HEATR6: variants seen among roughly 807,000 people sequenced by gnomAD.
The protein encoded by HEATR6 is HEAT repeat-containing protein 6.
Under a neutral mutation model 132.8 loss-of-function variants are expected in HEATR6, and 106 were observed. The ratio of observed to expected loss-of-function variants is 0.80; its 90% CI spans 0.68 to 0.94. The LOEUF (loss-of-function observed/expected upper bound fraction) is 0.94. Among genes scored for constraint, HEATR6 ranks in the 40% least tolerant of loss-of-function variants. HEATR6 has a pLI of 0.00. For missense variants in HEATR6, 1,339 were observed against 1,425.1 expected (o/e 0.94, Z 0.97); for synonymous variants, 529 against 537.8 (o/e 0.98, Z 0.23).
At chr17:60,070,663 G>T in intron 6 of HEATR6, 43 bp downstream of exon 6, 1 of 1,155,788 alleles carries the variant, frequency 8.7e-7, no homozygotes, top group Non-Finnish European at 1.3e-6. Context: ...TGTACCATGG[G>T]TTGAAACAGG....
intron 1 of HEATR6, among the ~76,000 whole-genome samples, chr17:60,078,147 T>G (rs1440660825): frequency 6.6e-6 from 1 of 152,118 alleles, no homozygotes; most frequent in Non-Finnish European, 1.5e-5. Flanking sequence ...TTCAGAGAAT[T>G]CATTAATTTA....
chr17:60,060,163 C>T (rs1039710419), intron 9 of HEATR6, 67 bp from the exon 10 acceptor site: 4 of 1,026,242 alleles, frequency 3.9e-6, no homozygotes, highest in South Asian at 1.3e-5. Flanking sequence ...TCTTCCTATA[C>T]ATATTTAATG....
Position 60,078,746 on chromosome 17 carries a change from C to G in HEATR6, c.169G>C (p.Asp57His), listed in dbSNP as rs1286279809. Residue 57 changes from aspartate (D) to histidine (H), a missense_variant, in exon 1 of 20, where the codon GAT becomes CAT. Physicochemically the swap from Asp to His is moderately conservative, Grantham distance 81 (BLOSUM62 -1). Transcript: ENST00000184956. Reference protein sequence around the residue: ...SARTEIHLLFDQLISENYSEG... With the variant: ...SARTEIHLLFHQLISENYSEG... ...CTGTAGTTCTCGGAGATGAGCTGAT[C>G]GAAGAGCAGGTGGATCTCGGTGCGG... 4 of 1,562,196 alleles carry G rather than the reference C, an allele frequency of 2.6e-6. No homozygotes were observed. Among genetic ancestry groups the G allele is most frequent in the East Asian group, 4.8e-5 (2 of 42,078 alleles).
At chr17:60,045,221 C>T (rs1028183855) in intron 19 of HEATR6, among the ~76,000 whole-genome samples, 5 of 152,130 alleles carry the variant, frequency 3.3e-5, no homozygotes, top group South Asian at 2.1e-4. Context: ...TGGAAGAAGC[C>T]GGGAAGCTAC....
rs1404951906 is a variant in HEATR6 at position 60,043,546 on chromosome 17, A to G, written c.*17T>C. On this transcript the variant is annotated 3_prime_UTR_variant, in exon 20 of 20. Transcript: ENST00000184956. Reference sequence around the variant, plus strand: ...TCCTACTGCCGCCTTCGACATCTAGAAAGTATGGTGGGATCTTCACTGATT... The same window carrying G: ...TCCTACTGCCGCCTTCGACATCTAGGAAGTATGGTGGGATCTTCACTGATT... The G allele has an allele frequency of 2.5e-6, 4 of 1,587,328 alleles. No homozygotes were observed. In the South Asian group the frequency reaches 3.4e-5, roughly 13 times the overall value.
In HEATR6 at chr17:60,041,971, C is replaced by T. The variant is rs970131407; in HGVS notation, c.*1592G>A. On this transcript the variant is annotated 3_prime_UTR_variant, in exon 20 of 20. Coordinates refer to ENST00000184956, the MANE Select transcript of HEATR6 (RefSeq NM_022070.5). ...CTAATTGAAATCAATTCCAATAAAT[C>T]GTTGGTGCTCAGTAGAAAAATGCAA... 6.6e-6 allele frequency among the ~76,000 whole-genome samples: 1 copy of T among 152,144 alleles called. No individual in the cohort carries two copies. The highest frequency in any genetic ancestry group is 1.5e-5 in the Non-Finnish European group (1 of 68,032).
At chr17:60,068,779 C>T (rs908257741) in intron 7 of HEATR6, among the ~76,000 whole-genome samples, 1 of 152,014 alleles carries the variant, frequency 6.6e-6, no homozygotes, top group African/African-American at 2.4e-5. Context: ...GTTTAGCTAC[C>T]ACACCTTTAA....
In HEATR6 at chr17:60,066,151, A is replaced by G. The variant is rs188667582; in HGVS notation, c.1416+58T>C. ...CAGACAGGATAAGGCAGAGATAACA[A>G]TAAGGATCTGTAAATTTTTTCTTCC... On this transcript the variant is annotated intron_variant, in intron 9 of 19. Transcript: ENST00000184956. The G allele has an allele frequency of 3.6e-6, 5 of 1,397,104 alleles. No individual in the cohort carries two copies. In the South Asian group the frequency reaches 3.6e-5, roughly 10 times the overall value. 86.5% of individuals were successfully genotyped at this position (1,397,104 alleles called of 1,614,324 possible).
At chr17:60,052,774 G>T (rs1263856323) in intron 14 of HEATR6, among the ~76,000 whole-genome samples, 2 of 152,158 alleles carry the variant, frequency 1.3e-5, no homozygotes, top group Non-Finnish European at 2.9e-5. Flanking sequence ...ATCCATCTTT[G>T]GAACTGGCAC....
At chr17:60,047,459 A>ATTTC in intron 17 of HEATR6, 54 bp from the exon 18 acceptor site, 2 of 992,864 alleles carry the variant, frequency 2.0e-6, no homozygotes, top group Non-Finnish European at 3.1e-6. Context: ...ACTTAAATAT[A>ATTTC]TACATATAGA....
intron 19 of HEATR6, among the ~76,000 whole-genome samples, chr17:60,044,827 G>A (rs982642374): frequency 2.0e-5 from 3 of 152,142 alleles, no homozygotes; most frequent in Admixed American, 6.5e-5. Context: ...TCTGAAGACC[G>A]GCAAGCAGGC....
At chr17:60,073,084 A>T (rs1357652776) in intron 4 of HEATR6, 80 bp downstream of exon 4, 1 of 739,456 alleles carries the variant, frequency 1.4e-6, no homozygotes, top group East Asian at 2.6e-5. Context: ...CTCTGGCTTC[A>T]GGCACAGGGA....
intron 9 of HEATR6, among the ~76,000 whole-genome samples, 198 bp downstream of exon 9, chr17:60,066,011 G>A (rs1281043833): frequency 2.6e-5 from 4 of 152,232 alleles, no homozygotes; most frequent in Middle Eastern, 3.2e-3. Flanking sequence ...GGCAGGAAGC[G>A]ATCCTACATG....
At chr17:60,065,206 A>G (rs1346782714) in intron 9 of HEATR6, among the ~76,000 whole-genome samples, 1 of 152,158 alleles carries the variant, frequency 6.6e-6, no homozygotes. Flanking sequence ...TATTTGAAAT[A>G]CCCCACAAGT....
chr17:60,053,029 G>C (rs1390355982), intron 14 of HEATR6, among the ~76,000 whole-genome samples: 1 of 152,074 alleles, frequency 6.6e-6, no homozygotes, highest in Admixed American at 6.6e-5. Context: ...TTGGATGTGT[G>C]TCCCCTCCAA....
At chr17:60,046,420 T>TTATA (rs944087206) in intron 18 of HEATR6, among the ~76,000 whole-genome samples, 191 bp from the exon 19 acceptor site, 1 of 152,058 alleles carries the variant, frequency 6.6e-6, no homozygotes, top group Admixed American at 6.5e-5. Flanking sequence ...CTCTCTCTGA[T>TTATA]TATTTATTTA....
chr17:60,068,980 C>A (rs1022812356), intron 7 of HEATR6, among the ~76,000 whole-genome samples: 1 of 152,214 alleles, frequency 6.6e-6, no homozygotes, highest in Admixed American at 6.5e-5. Flanking sequence ...GCGTCTGGAA[C>A]ACAGCAGATG....
intron 1 of HEATR6, chr17:60,076,778 T>C (rs754150418): frequency 2.0e-5 from 3 of 152,182 alleles, no homozygotes; most frequent in Non-Finnish European, 4.4e-5. Flanking sequence ...CTGTGCTCTC[T>C]ATATGTAAAG....
In HEATR6 at chr17:60,047,297, T is replaced by C. The variant is rs1413768306; in HGVS notation, c.2769+12A>G. On this transcript the variant is annotated intron_variant, in intron 18 of 19. Coordinates refer to ENST00000184956, the MANE Select transcript of HEATR6 (RefSeq NM_022070.5). Reference sequence around the variant, plus strand: ...TCTGTTTGGGAGATACTGGGTTTTGTTGTGAGTCTACCTTGTCTTTATCCT... The same window carrying C: ...TCTGTTTGGGAGATACTGGGTTTTGCTGTGAGTCTACCTTGTCTTTATCCT... 6 of 1,565,130 alleles carry C rather than the reference T, an allele frequency of 3.8e-6. No individual in the cohort carries two copies. The East Asian group carries it at 1.4e-4, about 35-fold the overall frequency.
Sources: gnomAD v4.1 joint callset for allele counts (sites outside exome capture counted in the v4.1 genomes callset) on GRCh38, gnomAD v4.1.1 for gene constraint, MANE v1.5 for transcripts, NCBI Gene and HGNC (gene_info 2026-07-23, HGNC 2026-07-21) for gene names.